PUDP: variants seen among roughly 807,000 people sequenced by gnomAD.
The protein encoded by PUDP is pseudouridine 5'-phosphatase.
PUDP carries 8 observed loss-of-function variants against 9.4 expected under a neutral mutation model. The ratio of observed to expected loss-of-function variants is 0.85; its 90% CI spans 0.50 to 1.53. The LOEUF (loss-of-function observed/expected upper bound fraction) is 1.53. Ranked by LOEUF, PUDP falls within the 40% of genes most tolerant of loss-of-function variation. PUDP has a pLI of 0.00. For synonymous variants in PUDP, 99 were observed against 80.7 expected (o/e 1.23, Z -1.22); for missense variants, 188 against 189.7 (o/e 0.99, Z 0.05).
intron 3 of PUDP, among the ~76,000 whole-genome samples, chrX:6,741,460 C>T (rs1383797201): frequency 9.0e-6 from 1 of 111,283 alleles, no homozygotes; most frequent in Non-Finnish European, 1.9e-5. Flanking sequence ...TACATATATA[C>T]ACACATTTAT....
chrX:6,910,195 G>A (rs772704917), intron 3 of PUDP, among the ~76,000 whole-genome samples: 10 of 112,129 alleles, frequency 8.9e-5, no homozygotes, highest in Admixed American at 9.5e-5. Context: ...AAGTTTCCCC[G>A]TAGCCCCAGG....
chrX:7,018,756 G>A (rs759472030), intron 1 of PUDP, among the ~76,000 whole-genome samples: 2 of 111,833 alleles, frequency 1.8e-5, no homozygotes, highest in South Asian at 7.6e-4. Flanking sequence ...AGAGGCATTT[G>A]AACCAGAGTG....
intron 1 of PUDP, chrX:6,989,325 A>C (rs1393058455): frequency 8.8e-6 from 1 of 114,036 alleles, no homozygotes; most frequent in Non-Finnish European, 1.8e-5. Context: ...TTGGATTTTT[A>C]AAAATGCAGA....
chrX:6,751,244 C>T (rs1043078529), intron 3 of PUDP, among the ~76,000 whole-genome samples: 29 of 111,255 alleles, frequency 2.6e-4, no homozygotes, highest in African/African-American at 8.8e-4. Context: ...GCAATTGTGA[C>T]CTCAAAAAGA....
chrX:6,887,591 G>A (rs906230115), intron 3 of PUDP, among the ~76,000 whole-genome samples: 1 of 110,722 alleles, frequency 9.0e-6, no homozygotes, highest in African/African-American at 3.3e-5. Flanking sequence ...AGAGTACCCT[G>A]GACAGAAGTA....
intron 2 of PUDP, among the ~76,000 whole-genome samples, chrX:7,083,087 G>C (rs753124277): frequency 4.5e-4 from 51 of 112,645 alleles, no homozygotes; most frequent in Middle Eastern, 4.6e-3. Context: ...TCCTCCCCTA[G>C]AGCCTACAGA....
At chrX:6,711,829 C>T (rs1042624367) in intron 1 of PUDP, among the ~76,000 whole-genome samples, 5 of 112,427 alleles carry the variant, frequency 4.4e-5, no homozygotes, top group African/African-American at 1.6e-4. Flanking sequence ...CTGCTGTGCT[C>T]TCAAAGCCAG....
intron 3 of PUDP, among the ~76,000 whole-genome samples, chrX:6,896,087 C>CT (rs777597420): frequency 2.7e-5 from 3 of 111,949 alleles, no homozygotes; most frequent in South Asian, 7.5e-4. Context: ...TAGCAAGGAC[C>CT]TTTTCATTAG....
At chrX:7,130,873 G>A (rs1168328300) in intron 1 of PUDP, among the ~76,000 whole-genome samples, 1 of 111,547 alleles carries the variant, frequency 9.0e-6, no homozygotes, top group Non-Finnish European at 1.9e-5. Context: ...ACAACAGAAT[G>A]AGACTCTGTC....
chrX:6,783,381 T>C (rs1925597098), intron 3 of PUDP, among the ~76,000 whole-genome samples: 1 of 111,448 alleles, frequency 9.0e-6, no homozygotes, highest in African/African-American at 3.3e-5. Flanking sequence ...GGAGTAGCTG[T>C]ACTTTCACCA....
intron 3 of PUDP, among the ~76,000 whole-genome samples, chrX:6,736,823 A>T (rs1192750223): frequency 9.0e-6 from 1 of 111,476 alleles, no homozygotes; most frequent in Non-Finnish European, 1.9e-5. Flanking sequence ...ACACAAAAAA[A>T]AGGAGAAATA....
intron 3 of PUDP, among the ~76,000 whole-genome samples, chrX:6,905,287 T>C (rs1034672936): frequency 4.5e-5 from 5 of 111,377 alleles, no homozygotes; most frequent in Non-Finnish European, 7.5e-5. Context: ...ACAGGTTCCT[T>C]AACCCTGAGG....
intron 1 of PUDP, among the ~76,000 whole-genome samples, chrX:6,720,218 ATGTGTATATATG>A (rs1201052882): frequency 2.3e-5 from 2 of 87,387 alleles, no homozygotes; most frequent in African/African-American, 4.6e-5. Flanking sequence ...GTATATATAT[ATGTGTATATATG>A]TGTGTATATA....
At chrX:6,744,552 AG>A (rs1465541599) in intron 3 of PUDP, among the ~76,000 whole-genome samples, 3 of 112,012 alleles carry the variant, frequency 2.7e-5, no homozygotes, top group Middle Eastern at 4.6e-3. Flanking sequence ...ATCTTAGATC[AG>A]GCACTGTAAT....
chrX:7,058,415 A>G (rs1456620982), intron 3 of PUDP, among the ~76,000 whole-genome samples: 1 of 112,226 alleles, frequency 8.9e-6, no homozygotes, highest in African/African-American at 3.2e-5. Flanking sequence ...CTATTCATCA[A>G]TTATAAAGCC....
intron 2 of PUDP, among the ~76,000 whole-genome samples, chrX:7,098,154 C>T (rs771056499): frequency 8.9e-6 from 1 of 112,560 alleles, no homozygotes; most frequent in Admixed American, 9.3e-5. Flanking sequence ...CCAAGGTTGT[C>T]TTACAGCAAT....
intron 1 of PUDP, among the ~76,000 whole-genome samples, chrX:7,002,819 G>C (rs1929344852): frequency 9.1e-6 from 1 of 110,042 alleles, no homozygotes; most frequent in African/African-American, 3.3e-5. Flanking sequence ...GACATTCTGG[G>C]AACAGGACAG....
intron 3 of PUDP, among the ~76,000 whole-genome samples, chrX:6,909,351 T>C (rs1230755827): frequency 1.8e-5 from 2 of 112,010 alleles, no homozygotes; most frequent in Non-Finnish European, 3.8e-5. Context: ...TTGAGTATGG[T>C]AGCATTCATA....
chrX:6,949,876 C>T (rs1422408373), intron 3 of PUDP, among the ~76,000 whole-genome samples: 2 of 111,757 alleles, frequency 1.8e-5, no homozygotes, highest in East Asian at 5.7e-4. Flanking sequence ...CTGAAGGCTC[C>T]ATTGGGGAAG....
Sources: allele counts gnomAD v4.1 joint callset (sites outside exome capture counted in the v4.1 genomes callset), GRCh38; gene constraint gnomAD v4.1.1; transcripts MANE v1.5; gene names NCBI Gene and HGNC (gene_info 2026-07-23, HGNC 2026-07-21).